FOXP2: variants seen among roughly 807,000 people sequenced by gnomAD.
FOXP2 encodes forkhead box P2, also known as forkhead box protein P2.
FOXP2 carries 12 observed loss-of-function variants against 115.8 expected under a neutral mutation model. The ratio of observed to expected loss-of-function variants is 0.10; its 90% CI spans 0.07 to 0.17. The LOEUF is 0.17. FOXP2 is among the 10% of genes least tolerant of loss of function. FOXP2 has a pLI of 1.00. For synonymous variants in FOXP2, 328 were observed against 297.7 expected, an observed-to-expected ratio of 1.10 and a Z score of -1.05; for missense variants, 629 against 843.5, an observed-to-expected ratio of 0.75 and a Z score of 3.15.
chr7:114,573,666 G>A (rs1378894533), intron 3 of FOXP2, among the ~76,000 whole-genome samples: 1 of 151,590 alleles, frequency 6.6e-6, no homozygotes, highest in Admixed American at 6.6e-5. Flanking sequence ...ACACATACAA[G>A]CCAAAATTTT....
At chr7:114,224,360 T>C (rs751856692) in intron 1 of FOXP2, among the ~76,000 whole-genome samples, 1 of 152,182 alleles carries the variant, frequency 6.6e-6, no homozygotes, top group Non-Finnish European at 1.5e-5. Flanking sequence ...ATGGGGAGAA[T>C]CCTGAGTGAT....
chr7:114,439,807 C>A (rs1006791230), intron 2 of FOXP2, among the ~76,000 whole-genome samples: 2 of 152,042 alleles, frequency 1.3e-5, no homozygotes, highest in African/African-American at 4.8e-5. Flanking sequence ...CTCCTGAGCT[C>A]AAGAGATCTG....
intron 1 of FOXP2, among the ~76,000 whole-genome samples, chr7:114,132,576 TGTGTGTGAGAGA>T (rs1483490481): frequency 8.9e-5 from 6 of 67,248 alleles, no homozygotes; most frequent in Admixed American, 7.9e-4. Context: ...TGTGTGTGTG[TGTGTGTGAGAGA>T]GAGAGAGAGA....
chr7:114,362,324 C>T (rs547607106), intron 2 of FOXP2, among the ~76,000 whole-genome samples: 1 of 152,172 alleles, frequency 6.6e-6, no homozygotes, highest in African/African-American at 2.4e-5. Context: ...TGTTGTGATA[C>T]TCACAGATTA....
intron 4 of FOXP2, among the ~76,000 whole-genome samples, chr7:114,629,260 G>GTA (rs1372433716): frequency 6.6e-5 from 10 of 152,134 alleles, no homozygotes; most frequent in African/African-American, 2.4e-4. Context: ...AACCCTGAGT[G>GTA]TATATAGACT....
chr7:114,243,473 A>G (rs1401325292), intron 1 of FOXP2, among the ~76,000 whole-genome samples: 1 of 152,036 alleles, frequency 6.6e-6, no homozygotes, highest in Non-Finnish European at 1.5e-5. Flanking sequence ...AGTGTGAGTG[A>G]TATTTTTAGT....
chr7:114,313,677 G>A (rs1336906738), intron 2 of FOXP2, among the ~76,000 whole-genome samples: 2 of 54,388 alleles, frequency 3.7e-5, no homozygotes, highest in South Asian at 4.4e-4. Flanking sequence ...CCCGGGAGGC[G>A]GAGCTTGCAG....
chr7:114,229,693 T>C (rs1166776777), intron 1 of FOXP2, among the ~76,000 whole-genome samples: 1 of 151,000 alleles, frequency 6.6e-6, no homozygotes, highest in East Asian at 1.9e-4. Context: ...TCTCTTGAGA[T>C]TAAAAAAAAC....
chr7:114,479,796 C>T (rs1342662325), intron 2 of FOXP2, among the ~76,000 whole-genome samples: 1 of 151,320 alleles, frequency 6.6e-6, no homozygotes, highest in Non-Finnish European at 1.5e-5. Context: ...AAAAACTTAA[C>T]ACAACTGTCT....
chr7:114,514,714 TC>T (rs1203202284), intron 2 of FOXP2, among the ~76,000 whole-genome samples: 1 of 151,510 alleles, frequency 6.6e-6, no homozygotes, highest in African/African-American at 2.4e-5. Context: ...TTTTATATTT[TC>T]TTTTTCTATT....
At position 114,358,882 on chromosome 7, in the gene FOXP2, T is replaced by G. The variant is rs949773347; in HGVS notation, c.-10-67620T>G. Among the ~76,000 whole-genome samples, 11 of 152,272 alleles carry G rather than the reference T, an allele frequency of 7.2e-5. No homozygotes were observed. In the South Asian group the frequency reaches 2.3e-3, roughly 32 times the overall value. On this transcript the variant is annotated intron_variant, in intron 2 of 17. Coordinates refer to the FOXP2 transcript ENST00000634411. ...AAAAAGGGAGCAGAGGATAAATGTT[T>G]GGAACATGTGCAGCCTAGTGATGCA...
chr7:114,274,851 C>T (rs985623120), intron 1 of FOXP2, among the ~76,000 whole-genome samples: 21 of 151,612 alleles, frequency 1.4e-4, no homozygotes, highest in Middle Eastern at 3.4e-3. Flanking sequence ...GATGGGGTTT[C>T]ACCATGTTAC....
intron 1 of FOXP2, among the ~76,000 whole-genome samples, chr7:114,254,590 A>G (rs1482875852): frequency 1.3e-5 from 2 of 152,188 alleles, no homozygotes; most frequent in Non-Finnish European, 2.9e-5. Flanking sequence ...CAAATCAGCT[A>G]CTGAAGCTTG....
intron 2 of FOXP2, among the ~76,000 whole-genome samples, chr7:114,344,173 C>G (rs1025697454): frequency 6.6e-6 from 1 of 151,676 alleles, no homozygotes; most frequent in African/African-American, 2.4e-5. Flanking sequence ...GTTGATTACA[C>G]AAGATACGTG....
At chr7:114,434,800 G>T (rs1044210535) in intron 2 of FOXP2, among the ~76,000 whole-genome samples, 30 of 151,924 alleles carry the variant, frequency 2.0e-4, no homozygotes, top group African/African-American at 7.0e-4. Flanking sequence ...AAATTTCCTG[G>T]AATGTTTTTC....
chr7:114,690,449 T>G lies in FOXP2; in HGVS notation c.*523T>G, dbSNP rs536907712. 4.4e-6 allele frequency: 2 copies of G among 453,954 alleles called. No individual in the cohort carries two copies. Among genetic ancestry groups the G allele is most frequent in the Non-Finnish European group, 8.8e-6 (2 of 226,676 alleles). 28.1% of individuals were successfully genotyped at this position (453,954 alleles called of 1,614,324 possible). On this transcript the variant is annotated 3_prime_UTR_variant, in exon 17 of 17. Coordinates refer to ENST00000350908, the MANE Select transcript of FOXP2 (RefSeq NM_014491.4). ...TATCAGAAATTAGTGTCACTGCTTG[T>G]ATCTAGCTGAATTTTAAACAACAGA...
At chr7:114,453,764 G>T (rs1439714507) in intron 2 of FOXP2, among the ~76,000 whole-genome samples, 1 of 152,022 alleles carries the variant, frequency 6.6e-6, no homozygotes, top group Admixed American at 6.6e-5. Flanking sequence ...ACAAGCAATG[G>T]GGAAAGGATT....
chr7:114,543,031 C>A (rs1799753488), intron 3 of FOXP2, among the ~76,000 whole-genome samples: 1 of 151,978 alleles, frequency 6.6e-6, no homozygotes, highest in Non-Finnish European at 1.5e-5. Context: ...ATCCACCCAC[C>A]TTGGCCTCCA....
chr7:114,250,206 T>C (rs1795403541), intron 1 of FOXP2, among the ~76,000 whole-genome samples: 1 of 152,146 alleles, frequency 6.6e-6, no homozygotes, highest in Non-Finnish European at 1.5e-5. Flanking sequence ...TGATGGACAT[T>C]TGGGTTGGTT....
Sources: allele counts gnomAD v4.1 joint callset (sites outside exome capture counted in the v4.1 genomes callset), GRCh38; gene constraint gnomAD v4.1.1; transcripts MANE v1.5; gene names NCBI Gene and HGNC (gene_info 2026-07-23, HGNC 2026-07-21).